Variants in DEUP1 observed in about 807,000 individuals in gnomAD.
DEUP1 encodes the protein deuterosome assembly protein 1, also known as coiled-coil domain containing 67.
A neutral mutation model predicts 87.4 loss-of-function variants in DEUP1; 82 were observed. That is an observed-to-expected ratio of 0.94 (90% CI 0.78 to 1.13). DEUP1 has a LOEUF of 1.13. Among genes scored for constraint, DEUP1 ranks in the 50% most tolerant of loss-of-function variants. The pLI is 0.00. For synonymous variants in DEUP1, 214 were observed against 222.7 expected (o/e 0.96, Z 0.35); for missense variants, 663 against 681.5 (o/e 0.97, Z 0.30).
intron 9 of DEUP1, among the ~76,000 whole-genome samples, chr11:93,392,610 C>G (rs1333268876): frequency 6.6e-6 from 1 of 151,826 alleles, no homozygotes; most frequent in Non-Finnish European, 1.5e-5. Flanking sequence ...TGCCTAGATA[C>G]TTGATGATAT....
rs1944249485 is a variant in DEUP1 at position 93,344,652 on chromosome 11, A to G, written c.30-10719A>G. Reference sequence around the variant, plus strand: ...CTTTGTTTAAATGTAGCATTTAATTACTTATTTTTCTTAGTAGAATTTTTC... The same window carrying G: ...CTTTGTTTAAATGTAGCATTTAATTGCTTATTTTTCTTAGTAGAATTTTTC... On this transcript the variant is annotated intron_variant, in intron 2 of 13. Transcript: ENST00000298050. 2.0e-5 allele frequency among the ~76,000 whole-genome samples: 3 copies of G among 152,242 alleles called. No homozygotes were observed. The South Asian group carries it at 6.2e-4, about 32-fold the overall frequency.
chr11:93,373,959 T>G (rs1299330678), intron 7 of DEUP1, among the ~76,000 whole-genome samples: 1 of 152,114 alleles, frequency 6.6e-6, no homozygotes, highest in East Asian at 1.9e-4. Flanking sequence ...TCTATTATTT[T>G]TTTGATTATG....
chr11:93,371,179 C>G lies in DEUP1; in HGVS notation c.688C>G (p.Leu230Val). Residue 230 changes from leucine to valine, a missense_variant, in exon 7 of 14, where the codon CTG becomes GTG. Transcript: ENST00000298050. ...AAGAGATGAGTTCATTATTGAAAAACTGAAATCAGCTGTAAATGAGATAGC... is the reference window on the plus strand; with the variant it reads ...AAGAGATGAGTTCATTATTGAAAAAGTGAAATCAGCTGTAAATGAGATAGC... The part of the protein sequence containing the change: ...NERDEFIIEK[L>V]KSAVNEIALS... 1 of 1,613,022 alleles carries G rather than the reference C, an allele frequency of 6.2e-7. No homozygotes were observed. The highest frequency in any genetic ancestry group is 2.2e-5 in the East Asian group (1 of 44,808).
intron 2 of DEUP1, among the ~76,000 whole-genome samples, chr11:93,346,472 C>T (rs1368968988): frequency 6.6e-6 from 1 of 152,180 alleles, no homozygotes; most frequent in Non-Finnish European, 1.5e-5. Context: ...AGTGATCTGC[C>T]CACCTTGGCC....
At chr11:93,393,158 G>A (rs1415899813) in intron 9 of DEUP1, among the ~76,000 whole-genome samples, 1 of 147,114 alleles carries the variant, frequency 6.8e-6, no homozygotes, top group African/African-American at 2.5e-5. Context: ...TGCAATCAGG[G>A]CCTACTGCAG....
At chr11:93,369,144 GAGAA>G (rs775133570) in intron 5 of DEUP1, among the ~76,000 whole-genome samples, 17 of 152,072 alleles carry the variant, frequency 1.1e-4, no homozygotes, top group Non-Finnish European at 2.1e-4. Context: ...AGATGGCAGG[GAGAA>G]AGAAAGAGAG....
intron 2 of DEUP1, among the ~76,000 whole-genome samples, chr11:93,336,776 T>G (rs982317067): frequency 6.6e-6 from 1 of 152,198 alleles, no homozygotes; most frequent in African/African-American, 2.4e-5. Context: ...CCATTCCTCC[T>G]GTTTTCAGGC....
At chr11:93,340,858 T>C (rs1944032687) in intron 2 of DEUP1, among the ~76,000 whole-genome samples, 1 of 152,166 alleles carries the variant, frequency 6.6e-6, no homozygotes, top group African/African-American at 2.4e-5. Context: ...TGGTTTGAGA[T>C]GCCTGTTATA....
chr11:93,427,489 G>T (rs894224011), intron 13 of DEUP1, among the ~76,000 whole-genome samples: 10 of 152,066 alleles, frequency 6.6e-5, no homozygotes, highest in Non-Finnish European at 1.3e-4. Flanking sequence ...ATGGATTAAA[G>T]AGTTAAATGT....
At chr11:93,340,664 TG>T (rs1260329835) in intron 2 of DEUP1, among the ~76,000 whole-genome samples, 2 of 152,196 alleles carry the variant, frequency 1.3e-5, no homozygotes, top group East Asian at 3.8e-4. Context: ...GATTGATAGA[TG>T]TAGACATAGT....
At chr11:93,364,110 T>C (rs1945303273) in intron 4 of DEUP1, 50 bp from the exon 5 acceptor site, 1 of 1,339,796 alleles carries the variant, frequency 7.5e-7, no homozygotes. Flanking sequence ...TGAAATCAGG[T>C]TAGAAATAAT....
At chr11:93,418,413 C>G (rs2134460922) in intron 13 of DEUP1, among the ~76,000 whole-genome samples, 1 of 152,018 alleles carries the variant, frequency 6.6e-6, no homozygotes, top group East Asian at 1.9e-4. Context: ...TTTATGCAGC[C>G]AAAAAACACA....
At chr11:93,420,486 C>T (rs1352782471) in intron 13 of DEUP1, among the ~76,000 whole-genome samples, 19 of 150,876 alleles carry the variant, frequency 1.3e-4, no homozygotes, top group African/African-American at 4.1e-4. Flanking sequence ...GGAAGCATTC[C>T]CTTTGAAAAC....
intron 11 of DEUP1, among the ~76,000 whole-genome samples, chr11:93,398,201 C>A (rs1305347331): frequency 6.6e-6 from 1 of 152,134 alleles, no homozygotes; most frequent in Non-Finnish European, 1.5e-5. Flanking sequence ...GTTCACTCAA[C>A]AGTATCCCTT....
chr11:93,428,968 C>G (rs1948022423), intron 13 of DEUP1, among the ~76,000 whole-genome samples: 2 of 152,104 alleles, frequency 1.3e-5, no homozygotes, highest in Admixed American at 1.3e-4. Context: ...TCATGTTTCT[C>G]TGGTGAATAA....
At chr11:93,436,166 A>G (rs1046938978) in intron 13 of DEUP1, among the ~76,000 whole-genome samples, 3 of 152,160 alleles carry the variant, frequency 2.0e-5, no homozygotes, top group Non-Finnish European at 4.4e-5. Flanking sequence ...TCAAGCCCCA[A>G]TCTTTTATGG....
intron 3 of DEUP1, among the ~76,000 whole-genome samples, chr11:93,355,767 C>A (rs1944865991): frequency 6.6e-6 from 1 of 152,056 alleles, no homozygotes; most frequent in African/African-American, 2.4e-5. Flanking sequence ...TACATAGTGT[C>A]AATGCCATCT....
Position 93,362,129 on chromosome 11 carries a change from G to C in DEUP1, c.298-2031G>C, listed in dbSNP as rs57582996. Among the ~76,000 whole-genome samples the C allele has an allele frequency of 7.6e-3, 1,151 of 152,004 alleles. 15 individuals are homozygous for C. The highest frequency in any genetic ancestry group is 0.027 in the African/African-American group (1,111 of 41,506). On this transcript the variant is annotated intron_variant, in intron 4 of 13. Transcript: ENST00000298050. ...AAAAAGCTCTTAGAAGAAAACATAG[G>C]AGTAAATCTTCATGACCTTGGATTA...
chr11:93,376,210 C>T (rs1296408098), intron 7 of DEUP1, among the ~76,000 whole-genome samples: 1 of 152,172 alleles, frequency 6.6e-6, no homozygotes, highest in Non-Finnish European at 1.5e-5. Context: ...TGCCAAAGCG[C>T]TGGCATTACA....
Sources: gnomAD v4.1 joint callset for allele counts (sites outside exome capture counted in the v4.1 genomes callset) on GRCh38, gnomAD v4.1.1 for gene constraint, MANE v1.5 for transcripts, NCBI Gene and HGNC (gene_info 2026-07-23, HGNC 2026-07-21) for gene names.